DNM3: variants seen among roughly 807,000 people sequenced by gnomAD.
The protein encoded by DNM3 is dynamin-3.
In DNM3, 47 loss-of-function variants were observed where a neutral mutation model predicts 101.6. The ratio of observed to expected loss-of-function variants is 0.46; its 90% CI spans 0.37 to 0.59. The LOEUF (loss-of-function observed/expected upper bound fraction) is 0.59, where lower values mean the gene tolerates loss of function less well. Among genes scored for constraint, DNM3 ranks in the 20% least tolerant of loss-of-function variants. The probability of loss-of-function intolerance (pLI) is 0.00; values close to 1 mark genes in which losing one functional copy is unlikely to be tolerated. For missense variants in DNM3, 849 were observed against 1,085.7 expected, an observed-to-expected ratio of 0.78 and a Z score of 3.06; for synonymous variants, 385 against 387.9, an observed-to-expected ratio of 0.99 and a Z score of 0.09.
In DNM3 at chr1:172,411,213, CAT is replaced by C. The variant is rs1265435525; in HGVS notation, c.*3373_*3374del. ...GATAGCTTTGAATGATCTGCCATAA[CAT>C]GTGGTAACAATAGTTCATTTCTCAT... On this transcript the variant is annotated 3_prime_UTR_variant, in exon 21 of 21. Transcript: ENST00000627582. 3.0e-6 allele frequency: 3 copies of C among 985,052 alleles called. No individual in the cohort carries two copies. In the African/African-American group the frequency reaches 5.2e-5, roughly 17 times the overall value. 61.0% of individuals were successfully genotyped at this position (985,052 alleles called of 1,614,324 possible).
chr1:171,989,943 T>G (rs1179138629), intron 4 of DNM3, among the ~76,000 whole-genome samples: 3 of 151,620 alleles, frequency 2.0e-5, no homozygotes, highest in African/African-American at 7.3e-5. Flanking sequence ...AAATGAATCC[T>G]TTATTTCAAT....
chr1:172,395,173 ATTTT>A (rs151029098), intron 20 of DNM3, among the ~76,000 whole-genome samples: 74 of 133,128 alleles, frequency 5.6e-4, no homozygotes, highest in African/African-American at 8.1e-4. Context: ...ATCAGAAGCA[ATTTT>A]TTTTTTTTTT....
chr1:172,321,290 T>C (rs2065704474), intron 16 of DNM3, among the ~76,000 whole-genome samples: 1 of 152,222 alleles, frequency 6.6e-6, no homozygotes, highest in Non-Finnish European at 1.5e-5. Flanking sequence ...ATATGCATTT[T>C]TTCAGCAGTC....
chr1:172,354,106 T>TGAGA (rs1261996806), intron 17 of DNM3, among the ~76,000 whole-genome samples: 1 of 26,436 alleles, frequency 3.8e-5, no homozygotes, highest in Admixed American at 4.9e-4. Flanking sequence ...TGTGTGTGTG[T>TGAGA]GTGTGTGAGA....
At chr1:172,257,316 A>G (rs2062445156) in intron 15 of DNM3, among the ~76,000 whole-genome samples, 1 of 152,116 alleles carries the variant, frequency 6.6e-6, no homozygotes, top group African/African-American at 2.4e-5. Flanking sequence ...GCGGGGAGAC[A>G]AATAAAAACT....
chr1:171,993,624 A>G (rs1178792019), intron 4 of DNM3, among the ~76,000 whole-genome samples: 1 of 151,314 alleles, frequency 6.6e-6, no homozygotes, highest in East Asian at 1.9e-4. Context: ...TTTTAAGTCA[A>G]ATTTGATAAA....
intron 12 of DNM3, 139 bp downstream of exon 12, chr1:172,082,041 A>C: frequency 1.2e-6 from 1 of 854,084 alleles, no homozygotes. Context: ...CCTACTTAGG[A>C]AGTCTGAGCT....
rs908390728 is a variant in DNM3 at position 172,377,536 on chromosome 1, C to T, written c.1894-1482C>T. ...TCAGAAAGCTGTAGGTCATCATCTG[C>T]TCTCATTGATATATATCATATATAT... On this transcript the variant is annotated intron_variant, in intron 17 of 20. Coordinates refer to ENST00000627582, the MANE Select transcript of DNM3 (RefSeq NM_015569.5). Among the ~76,000 whole-genome samples the T allele has an allele frequency of 4.2e-5, 5 of 118,622 alleles. No individual in the cohort carries two copies. The East Asian group carries it at 1.1e-3, about 27-fold the overall frequency. The allele number at this position is 118,622 out of a possible 152,430, so 77.8% of individuals were successfully genotyped here.
intron 18 of DNM3, chr1:172,386,869 T>C (rs1230411109): frequency 2.4e-6 from 1 of 413,894 alleles, no homozygotes; most frequent in East Asian, 4.8e-5. Context: ...GTTCTGGTGA[T>C]GGCTGGGTTT....
chr1:172,200,756 A>G (rs966450802), intron 14 of DNM3, among the ~76,000 whole-genome samples: 2 of 152,010 alleles, frequency 1.3e-5, no homozygotes, highest in African/African-American at 4.8e-5. Context: ...GACTCATTAG[A>G]TTCTTTTTAT....
intron 13 of DNM3, among the ~76,000 whole-genome samples, chr1:172,110,316 A>G (rs975410475): frequency 6.6e-6 from 1 of 152,166 alleles, no homozygotes; most frequent in Admixed American, 6.5e-5. Context: ...CCTCAACTGC[A>G]TGTTCCCATA....
intron 2 of DNM3, among the ~76,000 whole-genome samples, chr1:171,955,030 A>G (rs1394876249): frequency 3.3e-5 from 5 of 152,194 alleles, no homozygotes; most frequent in Admixed American, 2.0e-4. Context: ...CTGGCTCAGC[A>G]TGTTAAAATA....
At chr1:172,285,866 CA>C (rs1239327682) in intron 15 of DNM3, among the ~76,000 whole-genome samples, 1 of 152,070 alleles carries the variant, frequency 6.6e-6, no homozygotes, top group Non-Finnish European at 1.5e-5. Flanking sequence ...AGCCCCAACG[CA>C]GTCCCAGGCT....
intron 14 of DNM3, among the ~76,000 whole-genome samples, chr1:172,152,697 T>C (rs899600611): frequency 4.5e-4 from 69 of 152,266 alleles, no homozygotes; most frequent in African/African-American, 7.9e-4. Context: ...GATTTCTGAG[T>C]ATATCAAATT....
chr1:171,913,554 G>A (rs891513137), intron 1 of DNM3, among the ~76,000 whole-genome samples: 95 of 152,220 alleles, frequency 6.2e-4, no homozygotes, highest in South Asian at 2.1e-4. Context: ...CAAAGTTCCC[G>A]GATTTGGGCA....
At chr1:171,915,854 T>C (rs1009408029) in intron 1 of DNM3, among the ~76,000 whole-genome samples, 4 of 152,204 alleles carry the variant, frequency 2.6e-5, no homozygotes, top group African/African-American at 7.2e-5. Context: ...TCGTTTCTAT[T>C]CTCTCAGTTC....
intron 4 of DNM3, among the ~76,000 whole-genome samples, chr1:172,020,503 T>C (rs1211543112): frequency 1.3e-5 from 2 of 151,628 alleles, no homozygotes; most frequent in African/African-American, 2.4e-5. Flanking sequence ...GGCATATCAC[T>C]AGGTCAGGAG....
chr1:172,195,087 T>C (rs1178273208), intron 14 of DNM3, among the ~76,000 whole-genome samples: 1 of 152,092 alleles, frequency 6.6e-6, no homozygotes, highest in Non-Finnish European at 1.5e-5. Flanking sequence ...CATTTGTTTG[T>C]CTGTAAAGGA....
intron 4 of DNM3, among the ~76,000 whole-genome samples, chr1:171,991,682 C>T (rs2045640308): frequency 6.6e-6 from 1 of 152,100 alleles, no homozygotes; most frequent in African/African-American, 2.4e-5. Flanking sequence ...AACTTCAGCC[C>T]CTCATCCCTC....
Sources: gnomAD v4.1 joint callset for allele counts (sites outside exome capture counted in the v4.1 genomes callset) on GRCh38, gnomAD v4.1.1 for gene constraint, MANE v1.5 for transcripts, NCBI Gene and HGNC (gene_info 2026-07-23, HGNC 2026-07-21) for gene names.